The following PLB1 variants were observed in gnomAD, a reference collection of about 807,000 sequenced individuals.
The protein encoded by PLB1 is phospholipase B1.
PLB1 carries 242 observed loss-of-function variants against 227.4 expected under a neutral mutation model. The observed-to-expected ratio is 1.06, with a 90% confidence interval of 0.96 to 1.18. The LOEUF is 1.18. Among genes scored for constraint, PLB1 ranks in the 50% most tolerant of loss-of-function variants. PLB1 has a pLI of 0.00. For synonymous variants in PLB1, 757 were observed against 682.2 expected (o/e 1.11, Z -1.71); for missense variants, 1,858 against 1,816.3 (o/e 1.02, Z -0.42).
At chr2:28,514,226 C>T (rs1668582192) in intron 1 of PLB1, among the ~76,000 whole-genome samples, 1 of 152,082 alleles carries the variant, frequency 6.6e-6, no homozygotes, top group African/African-American at 2.4e-5. Context: ...TGCCTTTGCT[C>T]CTTAGTCAAA....
intron 20 of PLB1, among the ~76,000 whole-genome samples, chr2:28,567,640 A>T (rs1444933334): frequency 1.3e-5 from 2 of 151,650 alleles, no homozygotes; most frequent in Non-Finnish European, 2.9e-5. Flanking sequence ...CACCCAGCTA[A>T]TTTTTGTATT....
intron 18 of PLB1, among the ~76,000 whole-genome samples, chr2:28,564,658 A>G (rs1290269553): frequency 6.6e-6 from 1 of 152,150 alleles, no homozygotes; most frequent in East Asian, 1.9e-4. Flanking sequence ...GGAACTGGGC[A>G]CCAGAGAGCA....
chr2:28,625,758 T>TG (rs1164789736), intron 50 of PLB1, among the ~76,000 whole-genome samples: 1 of 152,156 alleles, frequency 6.6e-6, no homozygotes, highest in Non-Finnish European at 1.5e-5. Flanking sequence ...GGCCTTCATT[T>TG]GGGGGGACGT....
intron 52 of PLB1, 43 bp downstream of exon 52, chr2:28,628,671 C>T (rs1688157508): frequency 6.3e-7 from 1 of 1,580,802 alleles, no homozygotes; most frequent in South Asian, 1.1e-5. Context: ...CCAGCCACCT[C>T]CCTGGGATGC....
At chr2:28,603,786 G>A (rs957047411) in intron 39 of PLB1, among the ~76,000 whole-genome samples, 180 bp from the exon 40 acceptor site, 9 of 152,232 alleles carry the variant, frequency 5.9e-5, no homozygotes, top group African/African-American at 2.2e-4. Flanking sequence ...GCCATCTCCA[G>A]TGCCCCTGCC....
At position 28,525,769 on chromosome 2, in the gene PLB1, C is replaced by A. The variant is rs1487986039; in HGVS notation, c.285-136C>A. ...TGGCCACTTGAGGTGTGCCTATAAC[C>A]CCTGGGAGGATAATCCCAGAACCAG... On this transcript the variant is annotated intron_variant, in intron 5 of 57. Transcript: ENST00000327757. 46 of 1,075,470 alleles carry A rather than the reference C, an allele frequency of 4.3e-5. 1 individual carries two copies. The East Asian group carries it at 1.1e-3, about 26-fold the overall frequency. 66.6% of individuals were successfully genotyped at this position (1,075,470 alleles called of 1,614,324 possible). A position where few individuals can be genotyped will look rare whatever the true frequency, so the allele number is the denominator to read the frequency against.
chr2:28,588,616 C>G (rs987698749), intron 26 of PLB1, among the ~76,000 whole-genome samples: 3 of 152,142 alleles, frequency 2.0e-5, no homozygotes, highest in Admixed American at 6.5e-5. Flanking sequence ...CTGAGTCAGC[C>G]TAGAGTGGGA....
At chr2:28,605,662 G>A (rs1202439968) in intron 41 of PLB1, among the ~76,000 whole-genome samples, 191 bp from the exon 42 acceptor site, 8 of 152,184 alleles carry the variant, frequency 5.3e-5, no homozygotes, top group East Asian at 1.9e-4. Flanking sequence ...GGGGGTTGGC[G>A]TCACCCAAAA....
intron 14 of PLB1, among the ~76,000 whole-genome samples, chr2:28,547,402 G>C (rs1423510126): frequency 6.6e-6 from 1 of 152,114 alleles, no homozygotes; most frequent in African/African-American, 2.4e-5. Flanking sequence ...CCTAGGCCTT[G>C]AGCTAGAGAG....
chr2:28,598,510 A>G (rs1683339704), intron 34 of PLB1, 142 bp from the exon 35 acceptor site: 4 of 671,424 alleles, frequency 6.0e-6, no homozygotes, highest in South Asian at 5.2e-5. Flanking sequence ...TGTCCAGGAC[A>G]CACACTGCCT....
intron 54 of PLB1, 150 bp downstream of exon 54, chr2:28,630,814 T>C (rs1688517014): frequency 4.8e-6 from 3 of 628,982 alleles, no homozygotes; most frequent in Non-Finnish European, 8.2e-6. Flanking sequence ...CCCCTGCAAA[T>C]TGAACACCAA....
chr2:28,531,679 A>T (rs1671031124), intron 8 of PLB1, among the ~76,000 whole-genome samples: 1 of 152,236 alleles, frequency 6.6e-6, no homozygotes. Context: ...TACATTTTTC[A>T]GCATCATTTT....
intron 26 of PLB1, among the ~76,000 whole-genome samples, chr2:28,587,995 C>A (rs1385749112): frequency 1.3e-5 from 2 of 152,180 alleles, no homozygotes; most frequent in African/African-American, 4.8e-5. Flanking sequence ...CTGGTCGTCA[C>A]TGAGGCCCTG....
At chr2:28,517,351 C>G (rs921097577) in intron 2 of PLB1, among the ~76,000 whole-genome samples, 8 of 150,406 alleles carry the variant, frequency 5.3e-5, no homozygotes, top group Non-Finnish European at 7.4e-5. Context: ...CGCTTCCACT[C>G]TCAATTTTTG....
chr2:28,577,833 C>T (rs918556362), intron 21 of PLB1, among the ~76,000 whole-genome samples: 2 of 152,206 alleles, frequency 1.3e-5, no homozygotes, highest in Non-Finnish European at 2.9e-5. Flanking sequence ...GAGAAAGACT[C>T]CATCTCAGGG....
chr2:28,604,281 G>A (rs541263832), intron 40 of PLB1, among the ~76,000 whole-genome samples: 11 of 152,240 alleles, frequency 7.2e-5, no homozygotes, highest in South Asian at 2.1e-4. Flanking sequence ...CCCAGCTACC[G>A]TTGAGGGCTT....
At position 28,643,102 on chromosome 2, in the gene PLB1, T is replaced by C. The variant is rs57817040; in HGVS notation, c.*41T>C. 0.4 allele frequency: 598,518 copies of C among 1,500,188 alleles called. 120,832 individuals carry two copies. The highest frequency in any genetic ancestry group is 0.49 in the African/African-American group (35,308 of 72,462). 92.9% of individuals were successfully genotyped at this position (1,500,188 alleles called of 1,614,324 possible). A position where few individuals can be genotyped will look rare whatever the true frequency, so the allele number is the denominator to read the frequency against. On this transcript the variant is annotated 3_prime_UTR_variant, in exon 58 of 58. Transcript: ENST00000327757. Reference sequence around the variant, plus strand: ...CTCACCCTAAACTCCCTATAGCCACTCTCTTCACCGCCCTCTGCCCCAGCC... The same window carrying C: ...CTCACCCTAAACTCCCTATAGCCACCCTCTTCACCGCCCTCTGCCCCAGCC...
intron 17 of PLB1, among the ~76,000 whole-genome samples, chr2:28,558,705 ATG>A (rs3041213): frequency 0.24 from 35,513 of 150,042 alleles, 4,397 homozygotes; most frequent in East Asian, 0.52. Context: ...GTGTGTGTGT[ATG>A]TGTGTGTGTG....
At chr2:28,508,476 G>C (rs1009733464) in intron 1 of PLB1, among the ~76,000 whole-genome samples, 1 of 152,178 alleles carries the variant, frequency 6.6e-6, no homozygotes, top group African/African-American at 2.4e-5. Flanking sequence ...AGTCAGCCAG[G>C]CATGACTCAT....
Sources: gnomAD v4.1 joint callset for allele counts (sites outside exome capture counted in the v4.1 genomes callset) on GRCh38, gnomAD v4.1.1 for gene constraint, MANE v1.5 for transcripts, NCBI Gene and HGNC (gene_info 2026-07-23, HGNC 2026-07-21) for gene names.